Variants in NBEA observed in about 807,000 individuals in gnomAD.
NBEA encodes lysosomal-trafficking regulator 2.
A neutral mutation model predicts 343.4 loss-of-function variants in NBEA; 44 were observed. That is an observed-to-expected ratio of 0.13 (90% CI 0.10 to 0.16). The LOEUF (loss-of-function observed/expected upper bound fraction) is 0.16, where lower values mean the gene tolerates loss of function less well. Ranked by LOEUF, NBEA falls within the 10% of genes least tolerant of loss-of-function variation. The pLI is 1.00. For missense variants in NBEA, 2,555 were observed against 3,631.3 expected, an observed-to-expected ratio of 0.70 and a Z score of 7.62; for synonymous variants, 1,175 against 1,238.7, an observed-to-expected ratio of 0.95 and a Z score of 1.08.
intron 10 of NBEA, among the ~76,000 whole-genome samples, chr13:35,081,018 C>T (rs1304653473): frequency 1.3e-5 from 2 of 152,008 alleles, no homozygotes; most frequent in Non-Finnish European, 2.9e-5. Flanking sequence ...GCTTTTTATA[C>T]CGCTAAAAGG....
At chr13:35,487,948 T>C (rs1460222768) in intron 41 of NBEA, among the ~76,000 whole-genome samples, 2 of 151,860 alleles carry the variant, frequency 1.3e-5, no homozygotes, top group Non-Finnish European at 2.9e-5. Flanking sequence ...TGGAGAATAA[T>C]AGCGAAACAT....
chr13:35,340,247 A>G (rs908209536), intron 36 of NBEA, among the ~76,000 whole-genome samples: 5 of 152,256 alleles, frequency 3.3e-5, no homozygotes, highest in Admixed American at 1.3e-4. Context: ...TGACAAGTGA[A>G]GCATAAACAG....
intron 11 of NBEA, among the ~76,000 whole-genome samples, chr13:35,104,127 A>G (rs976181144): frequency 6.6e-6 from 1 of 151,876 alleles, no homozygotes; most frequent in Non-Finnish European, 1.5e-5. Context: ...ACATTTACCC[A>G]AGGACTTTTG....
intron 48 of NBEA, among the ~76,000 whole-genome samples, chr13:35,621,706 T>C (rs2083000099): frequency 6.6e-6 from 1 of 150,562 alleles, no homozygotes; most frequent in African/African-American, 2.5e-5. Context: ...CCGCCCTCAT[T>C]ACTGACATTT....
intron 41 of NBEA, among the ~76,000 whole-genome samples, chr13:35,523,377 AAAG>A (rs2077813506): frequency 6.6e-6 from 1 of 152,182 alleles, no homozygotes; most frequent in African/African-American, 2.4e-5. Flanking sequence ...TTTTCTTAAG[AAAG>A]AAGAACAGAT....
chr13:35,639,553 G>A (rs1433086113), intron 49 of NBEA, among the ~76,000 whole-genome samples: 4 of 152,082 alleles, frequency 2.6e-5, no homozygotes, highest in Non-Finnish European at 5.9e-5. Flanking sequence ...TTTGTGTCAA[G>A]CTTGTATTTT....
intron 48 of NBEA, among the ~76,000 whole-genome samples, chr13:35,615,980 C>G (rs1048011546): frequency 1.3e-5 from 2 of 152,212 alleles, no homozygotes; most frequent in Non-Finnish European, 2.9e-5. Flanking sequence ...CCAGCTCTCT[C>G]TGCCCATCTG....
At chr13:35,198,367 TA>T (rs900326607) in intron 31 of NBEA, among the ~76,000 whole-genome samples, 5 of 152,152 alleles carry the variant, frequency 3.3e-5, no homozygotes, top group Non-Finnish European at 5.9e-5. Context: ...TACAAACCAA[TA>T]AATACAGATG....
intron 36 of NBEA, among the ~76,000 whole-genome samples, chr13:35,332,359 G>T (rs1406582442): frequency 2.0e-5 from 3 of 151,986 alleles, no homozygotes; most frequent in Non-Finnish European, 4.4e-5. Context: ...CCCTGAAATA[G>T]CATGACTCAT....
intron 10 of NBEA, among the ~76,000 whole-genome samples, chr13:35,091,810 G>T (rs1197798982): frequency 6.6e-6 from 1 of 151,796 alleles, no homozygotes; most frequent in Non-Finnish European, 1.5e-5. Context: ...ATAAGTTTAG[G>T]GCTATATCAT....
At chr13:35,233,236 T>C (rs1467205945) in intron 34 of NBEA, among the ~76,000 whole-genome samples, 1 of 152,162 alleles carries the variant, frequency 6.6e-6, no homozygotes, top group Non-Finnish European at 1.5e-5. Flanking sequence ...AATTAGATAA[T>C]ATCAAGATGA....
At chr13:35,515,840 A>G (rs2077465730) in intron 41 of NBEA, among the ~76,000 whole-genome samples, 1 of 152,042 alleles carries the variant, frequency 6.6e-6, no homozygotes, top group African/African-American at 2.4e-5. Context: ...CTCCATTTAT[A>G]TCTTTTTTAA....
intron 38 of NBEA, among the ~76,000 whole-genome samples, chr13:35,396,201 G>T (rs1177279462): frequency 2.0e-5 from 3 of 151,850 alleles, no homozygotes; most frequent in Non-Finnish European, 2.9e-5. Flanking sequence ...AGTGGGTATT[G>T]CTTTTTAATC....
intron 41 of NBEA, among the ~76,000 whole-genome samples, chr13:35,531,773 C>T (rs908178413): frequency 6.6e-6 from 1 of 152,140 alleles, no homozygotes; most frequent in Non-Finnish European, 1.5e-5. Context: ...GAGAGCTATT[C>T]CAGGGAGAAA....
intron 44 of NBEA, among the ~76,000 whole-genome samples, chr13:35,556,308 G>A (rs566710801): frequency 6.6e-6 from 1 of 151,972 alleles, no homozygotes; most frequent in Admixed American, 6.6e-5. Flanking sequence ...AAATAGCATG[G>A]TGTAGCAGAA....
chr13:35,314,247 G>T lies in NBEA; in HGVS notation c.5903+4655G>T, dbSNP rs374690577. ...AAAAGTAAAGAATACTGAAAATAGC[G>T]ATTGTAAAAGAATGGAGAAGAGAAA... On this transcript the variant is annotated intron_variant, in intron 36 of 58. Coordinates refer to ENST00000379939, the MANE Select transcript of NBEA (RefSeq NM_001385012.1). Among the ~76,000 whole-genome samples the T allele has an allele frequency of 1.5e-4, 23 of 152,202 alleles. No homozygotes were observed. The South Asian group carries it at 2.7e-3, about 18-fold the overall frequency.
At chr13:35,524,728 A>G (rs117301450) in intron 41 of NBEA, among the ~76,000 whole-genome samples, 1 of 152,348 alleles carries the variant, frequency 6.6e-6, no homozygotes, top group Non-Finnish European at 1.5e-5. Context: ...CATAAATTCT[A>G]TAACTAAACT....
In NBEA at chr13:35,672,326, TAAAAC is replaced by T. The variant is rs2085645827; in HGVS notation, c.*1338_*1342del. On this transcript the variant is annotated 3_prime_UTR_variant, in exon 59 of 59. Coordinates refer to ENST00000379939, the MANE Select transcript of NBEA (RefSeq NM_001385012.1). ...ACTCGCAGTCATTTATTTAAAAAGA[TAAAAC>T]AAGATAATGGGTTCTTTGTATTGGC... The T allele has an allele frequency of 6.5e-6, 1 of 152,672 alleles. No individual in the cohort carries two copies. The highest frequency in any genetic ancestry group is 2.1e-4 in the South Asian group (1 of 4,834). 9.5% of individuals were successfully genotyped at this position (152,672 alleles called of 1,614,324 possible).
Position 35,408,832 on chromosome 13 carries a change from T to A in NBEA, c.6180-23437T>A, listed in dbSNP as rs142317892. ...CACACCCGTCAGAATATGGCTATAA[T>A]TAAAAAGTCAAAAACAACAGATGCT... On this transcript the variant is annotated intron_variant, in intron 38 of 58. Coordinates refer to ENST00000379939, the MANE Select transcript of NBEA (RefSeq NM_001385012.1). Among the ~76,000 whole-genome samples the A allele has an allele frequency of 4.7e-4, 72 of 152,106 alleles. 1 individual carries two copies. The East Asian group carries it at 0.013, about 28-fold the overall frequency.
Sources: gnomAD v4.1 joint callset for allele counts (sites outside exome capture counted in the v4.1 genomes callset) on GRCh38, gnomAD v4.1.1 for gene constraint, MANE v1.5 for transcripts, NCBI Gene and HGNC (gene_info 2026-07-23, HGNC 2026-07-21) for gene names.